AUTS2: variants seen among roughly 807,000 people sequenced by gnomAD.
AUTS2 encodes the protein activator of transcription and developmental regulator AUTS2, also known as autism susceptibility gene 2 protein.
A neutral mutation model predicts 112.4 loss-of-function variants in AUTS2; 17 were observed. That is an observed-to-expected ratio of 0.15 (90% CI 0.10 to 0.23). The LOEUF is 0.23. AUTS2 is among the 10% of genes least tolerant of loss of function. The pLI, the probability that AUTS2 is intolerant of heterozygous loss-of-function variation, is 1.00. For synonymous variants in AUTS2, 751 were observed against 702.7 expected, an observed-to-expected ratio of 1.07 and a Z score of -1.09; for missense variants, 1,510 against 1,701.6, an observed-to-expected ratio of 0.89 and a Z score of 1.98.
intron 1 of AUTS2, among the ~76,000 whole-genome samples, chr7:69,876,480 T>TTGTGTGTGTGTGTG (rs71097493): frequency 1.7e-5 from 1 of 60,508 alleles, no homozygotes; most frequent in Admixed American, 2.4e-4. Flanking sequence ...ATAAAATATT[T>TTGTGTGTGTGTGTG]TGTGTATATA....
Position 70,764,881 on chromosome 7 carries a change from C to T in AUTS2, c.1344C>T (p.Leu448=), listed in dbSNP as rs201372643. 2.6e-5 allele frequency: 41 copies of T among 1,599,390 alleles called. No individual in the cohort carries two copies. In the Admixed American group the frequency reaches 5.9e-4, roughly 23 times the overall value. The change falls in exon 8 of 19, where the codon CTC becomes CTT. Residue 448 remains leucine, a synonymous_variant. Coordinates refer to ENST00000342771, the MANE Select transcript of AUTS2 (RefSeq NM_015570.4). The part of the protein sequence containing the change: ...HSPLHSFTPT[L]QPPAHSHHPN... ...CCCTGCACAGCTTCACACCCACCCT[C>T]CAGCCCCCCGCACACTCACATCACC...
intron 5 of AUTS2, among the ~76,000 whole-genome samples, chr7:70,573,744 A>G (rs2129526161): frequency 6.6e-6 from 1 of 152,164 alleles, no homozygotes; most frequent in South Asian, 2.1e-4. Flanking sequence ...TGAGATTAAT[A>G]TAGTAGGAAA....
intron 5 of AUTS2, among the ~76,000 whole-genome samples, chr7:70,690,198 G>A (rs1808685846): frequency 6.6e-6 from 1 of 152,196 alleles, no homozygotes; most frequent in African/African-American, 2.4e-5. Context: ...CCTGATGCTG[G>A]CTCCAGGGCC....
At chr7:70,522,972 T>C (rs556003271) in intron 5 of AUTS2, among the ~76,000 whole-genome samples, 3 of 152,340 alleles carry the variant, frequency 2.0e-5, no homozygotes, top group Admixed American at 2.0e-4. Context: ...TCAACTTCAC[T>C]ACATAATTAA....
chr7:69,931,535 G>T (rs146367911), intron 2 of AUTS2, among the ~76,000 whole-genome samples: 2 of 152,222 alleles, frequency 1.3e-5, no homozygotes, highest in East Asian at 3.9e-4. Context: ...ATTCATTGTG[G>T]TATTTTGTTG....
intron 4 of AUTS2, among the ~76,000 whole-genome samples, chr7:70,297,698 T>C (rs1789010586): frequency 6.6e-6 from 1 of 151,886 alleles, no homozygotes; most frequent in Non-Finnish European, 1.5e-5. Flanking sequence ...CCTCCCAAAG[T>C]GTTGGGATTA....
chr7:70,454,923 G>A (rs1290772981), intron 5 of AUTS2, among the ~76,000 whole-genome samples: 2 of 152,162 alleles, frequency 1.3e-5, no homozygotes, highest in Non-Finnish European at 2.9e-5. Context: ...ACCATTCCAC[G>A]AGCTGCTGTT....
chr7:70,787,503 G>GC (rs1290066386), intron 18 of AUTS2, 72 bp downstream of exon 18: 2 of 1,123,392 alleles, frequency 1.8e-6, no homozygotes, highest in Non-Finnish European at 2.5e-6. Flanking sequence ...GGAACTGGCC[G>GC]CCCACCCTCC....
At chr7:69,631,891 T>C (rs896039879) in intron 1 of AUTS2, among the ~76,000 whole-genome samples, 1 of 152,232 alleles carries the variant, frequency 6.6e-6, no homozygotes, top group Admixed American at 6.5e-5. Flanking sequence ...AACTTTATAA[T>C]TGAATTTCAA....
chr7:70,135,498 G>A (rs1361150413), intron 4 of AUTS2, among the ~76,000 whole-genome samples: 1 of 151,994 alleles, frequency 6.6e-6, no homozygotes, highest in East Asian at 1.9e-4. Context: ...CACTTTAGTT[G>A]CTTTTAACTT....
At chr7:70,204,865 C>G (rs1584872864) in intron 4 of AUTS2, among the ~76,000 whole-genome samples, 1 of 152,024 alleles carries the variant, frequency 6.6e-6, no homozygotes, top group Admixed American at 6.5e-5. Flanking sequence ...ATTCTGCTAT[C>G]TATGGGTTTC....
intron 5 of AUTS2, among the ~76,000 whole-genome samples, chr7:70,654,931 T>C (rs1806691045): frequency 6.6e-6 from 1 of 152,206 alleles, no homozygotes; most frequent in Non-Finnish European, 1.5e-5. Context: ...TCCTTGACAG[T>C]CAAAAGGCCA....
chr7:70,436,011 G>A (rs1795879007), intron 5 of AUTS2: 3 of 416,908 alleles, frequency 7.2e-6, no homozygotes, highest in African/African-American at 2.0e-5. Flanking sequence ...GCATATATGT[G>A]ACACTGAGTT....
chr7:70,166,138 C>T (rs974384966), intron 4 of AUTS2, among the ~76,000 whole-genome samples: 2 of 152,106 alleles, frequency 1.3e-5, no homozygotes, highest in Non-Finnish European at 2.9e-5. Flanking sequence ...AACCATGAGT[C>T]GATTAAACCT....
intron 4 of AUTS2, among the ~76,000 whole-genome samples, chr7:70,300,399 C>CTTTA (rs1362882641): frequency 6.6e-6 from 1 of 152,190 alleles, no homozygotes; most frequent in African/African-American, 2.4e-5. Flanking sequence ...CCTTTTCAGT[C>CTTTA]TTAATAAAGT....
intron 4 of AUTS2, among the ~76,000 whole-genome samples, chr7:70,178,303 T>C (rs909948175): frequency 6.7e-6 from 1 of 149,758 alleles, no homozygotes; most frequent in African/African-American, 2.5e-5. Flanking sequence ...CAATTAAAAA[T>C]ACTTTTTTTT....
chr7:69,999,926 A>G (rs1799110437), intron 2 of AUTS2, among the ~76,000 whole-genome samples: 1 of 152,188 alleles, frequency 6.6e-6, no homozygotes, highest in Non-Finnish European at 1.5e-5. Context: ...TTGTTCTACC[A>G]GGAGTGGCTC....
intron 5 of AUTS2, among the ~76,000 whole-genome samples, chr7:70,600,142 G>A (rs543918654): frequency 5.1e-4 from 77 of 152,254 alleles, no homozygotes; most frequent in South Asian, 1.2e-3. Flanking sequence ...CTGCTCCAAG[G>A]CAGCCTTTTT....
chr7:69,936,097 G>T (rs1796398608), intron 2 of AUTS2, among the ~76,000 whole-genome samples: 2 of 152,310 alleles, frequency 1.3e-5, no homozygotes, highest in Non-Finnish European at 2.9e-5. Context: ...TCCTCTAATG[G>T]GATTGAGCCT....
Sources: gnomAD v4.1 joint callset for allele counts (sites outside exome capture counted in the v4.1 genomes callset) on GRCh38, gnomAD v4.1.1 for gene constraint, MANE v1.5 for transcripts, NCBI Gene and HGNC (gene_info 2026-07-23, HGNC 2026-07-21) for gene names.